The following NTRK3 variants were observed in gnomAD, a reference collection of about 807,000 sequenced individuals.
The protein encoded by NTRK3 is neurotrophic receptor tyrosine kinase 3.
A neutral mutation model predicts 91.7 loss-of-function variants in NTRK3; 24 were observed. The ratio of observed to expected loss-of-function variants is 0.26; its 90% CI spans 0.19 to 0.37. The LOEUF (loss-of-function observed/expected upper bound fraction) is 0.37. NTRK3 is among the 10% of genes least tolerant of loss of function. The probability of loss-of-function intolerance (pLI) is 1.00; values close to 1 mark genes in which losing one functional copy is unlikely to be tolerated. For missense variants in NTRK3, 880 were observed against 1,068.9 expected, an observed-to-expected ratio of 0.82 and a Z score of 2.46; for synonymous variants, 483 against 404.0, an observed-to-expected ratio of 1.20 and a Z score of -2.34.
At chr15:87,881,769 T>C (rs1567065704) in intron 17 of NTRK3, among the ~76,000 whole-genome samples, 1 of 152,134 alleles carries the variant, frequency 6.6e-6, no homozygotes, top group Non-Finnish European at 1.5e-5. Flanking sequence ...TAACAATGAA[T>C]AATTAAGAAC....
exon 19 of NTRK3, chr15:87,868,443 T>C (rs910694450): frequency 1.8e-5 from 4 of 220,314 alleles, no homozygotes; most frequent in Admixed American, 1.2e-4. Flanking sequence ...ATTATTTAAA[T>C]GAAAGACAAG....
intron 14 of NTRK3, among the ~76,000 whole-genome samples, chr15:88,017,287 C>G (rs1271084274): frequency 2.0e-5 from 3 of 152,146 alleles, no homozygotes; most frequent in Admixed American, 1.3e-4. Context: ...AGAAGCTCAG[C>G]CCAAGACCAG....
At chr15:87,872,909 A>G in exon 19 of NTRK3, 1 of 233,114 alleles carries the variant, frequency 4.3e-6, no homozygotes, top group Non-Finnish European at 8.5e-6. Flanking sequence ...GTCTCAAATG[A>G]GAAATAAGCT....
Position 88,056,200 on chromosome 15 carries a change from ATATTT to A in NTRK3, c.1397-23160_1397-23156del, listed in dbSNP as rs1330049798. On this transcript the variant is annotated intron_variant, in intron 13 of 18. Coordinates refer to ENST00000394480, the Ensembl canonical transcript of NTRK3. The stretch of plus-strand genomic sequence containing the variant: ...CATATATATATATATATATATATAT[ATATTT>A]TTTTTTTAATGTAGAACCTTGATCA... 7.2e-4 allele frequency among the ~76,000 whole-genome samples: 72 copies of A among 99,954 alleles called. 2 individuals carry two copies. The highest frequency in any genetic ancestry group is 1.4e-3 in the Non-Finnish European group (62 of 44,460). The allele number at this position is 99,954 out of a possible 152,430, so 65.6% of individuals were successfully genotyped here. A position where few individuals can be genotyped will look rare whatever the true frequency, so the allele number is the denominator to read the frequency against.
At chr15:87,886,795 C>A (rs1449380926) in intron 17 of NTRK3, among the ~76,000 whole-genome samples, 1 of 144,994 alleles carries the variant, frequency 6.9e-6, no homozygotes, top group Non-Finnish European at 1.5e-5. Flanking sequence ...TTGTGATAAT[C>A]ATGTATCACA....
chr15:88,197,058 G>A (rs1190983461), intron 3 of NTRK3, among the ~76,000 whole-genome samples: 1 of 127,554 alleles, frequency 7.8e-6, no homozygotes, highest in Non-Finnish European at 1.6e-5. Context: ...CTAACACAGA[G>A]TGCTGTGATT....
chr15:88,139,246 A>G (rs1424543722), intron 6 of NTRK3, among the ~76,000 whole-genome samples: 1 of 152,226 alleles, frequency 6.6e-6, no homozygotes, highest in African/African-American at 2.4e-5. Context: ...TTAAGGAGAC[A>G]ATGAACAGCA....
intron 17 of NTRK3, among the ~76,000 whole-genome samples, chr15:87,923,746 G>A (rs981214838): frequency 3.3e-5 from 5 of 152,194 alleles, no homozygotes; most frequent in Non-Finnish European, 7.3e-5. Flanking sequence ...AGTGTTGAGA[G>A]GTGAGACCTC....
chr15:88,206,978 G>A (rs2048848334), intron 3 of NTRK3, among the ~76,000 whole-genome samples: 1 of 152,288 alleles, frequency 6.6e-6, no homozygotes, highest in African/African-American at 2.4e-5. Flanking sequence ...GCCCAGGCTT[G>A]GTCAGCGCCC....
intron 5 of NTRK3, among the ~76,000 whole-genome samples, chr15:88,173,292 C>T (rs1166992735): frequency 6.6e-6 from 1 of 152,154 alleles, no homozygotes; most frequent in Non-Finnish European, 1.5e-5. Flanking sequence ...GCAGACAGAG[C>T]CTTGGAGCTT....
At chr15:88,131,461 C>G (rs1475634868) in intron 10 of NTRK3, among the ~76,000 whole-genome samples, 5 of 152,166 alleles carry the variant, frequency 3.3e-5, no homozygotes, top group Admixed American at 3.3e-4. Flanking sequence ...GGGATGGTCA[C>G]AGAACTATCT....
At chr15:88,194,395 T>C (rs910371808) in intron 3 of NTRK3, among the ~76,000 whole-genome samples, 3 of 152,266 alleles carry the variant, frequency 2.0e-5, no homozygotes, top group African/African-American at 7.2e-5. Context: ...TCCAGATGTT[T>C]AGCTGACATC....
rs190861804 is a variant in NTRK3, at chr15:88,032,410, G to A, written c.1585+447C>T. 5.3e-5 allele frequency among the ~76,000 whole-genome samples: 8 copies of A among 152,264 alleles called. No homozygotes were observed. In the East Asian group the frequency reaches 1.6e-3, roughly 30 times the overall value. ...TCGGGGCACTGGAGGGGCAGCTAGA[G>A]AGATGTTTCCATTCAAAGGTACTCA... On this transcript the variant is annotated intron_variant, in intron 14 of 18. Coordinates refer to ENST00000394480, the Ensembl canonical transcript of NTRK3.
intron 17 of NTRK3, among the ~76,000 whole-genome samples, chr15:87,893,176 T>C (rs998025355): frequency 2.0e-5 from 3 of 152,280 alleles, no homozygotes; most frequent in Middle Eastern, 3.4e-3. Context: ...TCCTCTTGTC[T>C]TTCCCCAAGG....
At chr15:87,894,984 G>A (rs1448755150) in intron 17 of NTRK3, among the ~76,000 whole-genome samples, 3 of 152,128 alleles carry the variant, frequency 2.0e-5, no homozygotes, top group African/African-American at 7.2e-5. Context: ...ATATCATCTG[G>A]ATTCCTGGTA....
chr15:88,182,294 AG>A (rs1391933851), intron 5 of NTRK3, among the ~76,000 whole-genome samples: 2 of 151,936 alleles, frequency 1.3e-5, no homozygotes, highest in Non-Finnish European at 2.9e-5. Flanking sequence ...GGGTAAGGTC[AG>A]GATCCCCCAA....
At chr15:87,932,943 G>C (rs1012566048) in intron 16 of NTRK3, 69 bp downstream of exon 16, 4 of 1,532,750 alleles carry the variant, frequency 2.6e-6, no homozygotes, top group African/African-American at 1.4e-5. Context: ...ATAATTTCTG[G>C]CTCCAGGGAA....
Position 88,027,633 on chromosome 15 carries a change from C to T in NTRK3, c.1585+5224G>A, listed in dbSNP as rs377681151. ...TCTGGACCTCGTGATCCCCCCGCCT[C>T]GGCCTCCCAAAGTGCTGGGATTACA... On this transcript the variant is annotated intron_variant, in intron 14 of 18. Transcript: ENST00000394480. Among the ~76,000 whole-genome samples the T allele has an allele frequency of 6.3e-4, 96 of 152,286 alleles. 1 individual carries two copies. The highest frequency in any genetic ancestry group is 1.9e-3 in the African/African-American group (77 of 41,572).
chr15:88,102,195 C>T (rs1055530166), intron 13 of NTRK3, among the ~76,000 whole-genome samples: 2 of 152,082 alleles, frequency 1.3e-5, no homozygotes, highest in African/African-American at 2.4e-5. Context: ...GAAGAAGATG[C>T]TGACAGAAGA....
Sources: allele counts gnomAD v4.1 joint callset (sites outside exome capture counted in the v4.1 genomes callset), GRCh38; gene constraint gnomAD v4.1.1; transcripts MANE v1.5; gene names NCBI Gene and HGNC (gene_info 2026-07-23, HGNC 2026-07-21).